The following PANX2 variants were observed in gnomAD, a reference collection of about 807,000 sequenced individuals.
PANX2 encodes pannexin 2, also known as pannexin-2.
In PANX2, 30 loss-of-function variants were observed where a neutral mutation model predicts 38.7. That is an observed-to-expected ratio of 0.78 (90% CI 0.58 to 1.05). PANX2 has a LOEUF of 1.05. Among genes scored for constraint, PANX2 ranks in the 50% least tolerant of loss-of-function variants. The probability of loss-of-function intolerance (pLI) is 0.00; values close to 1 mark genes in which losing one functional copy is unlikely to be tolerated. For synonymous variants in PANX2, 539 were observed against 472.1 expected (o/e 1.14, Z -1.84); for missense variants, 880 against 979.3 (o/e 0.90, Z 1.35).
In PANX2 at chr22:50,178,331, G is replaced by A. The variant is rs932591980; in HGVS notation, c.1619G>A (p.Arg540Gln). The change falls in exon 2 of 3, where the codon CGG becomes CAG. Residue 540 changes from arginine to glutamine, a missense_variant. Arg to Gln is a conservative substitution (Grantham distance 43). Around this residue, in one of 4 missense-constraint regions of PANX2, gnomAD observed 445 missense variants for 404.3 expected, o/e 1.10. Coordinates refer to ENST00000395842, the MANE Select transcript of PANX2 (RefSeq NM_052839.4). Reference protein sequence around the residue: ...EAVPAALPASRSQEGGFLSQA... With the variant: ...EAVPAALPASQSQEGGFLSQA... ...GTGCCCGCCGCCCTGCCCGCCTCCC[G>A]GAGCCAGGAGGGGGGCTTCCTGTCC... 6.3e-5 allele frequency: 94 copies of A among 1,501,262 alleles called. No homozygotes were observed. Among genetic ancestry groups the A allele is most frequent in the Non-Finnish European group, 7.9e-5 (89 of 1,132,786 alleles). 93.0% of individuals were successfully genotyped at this position (1,501,262 alleles called of 1,614,324 possible).
At chr22:50,172,556 T>G (rs1386361042) in intron 1 of PANX2, among the ~76,000 whole-genome samples, 1 of 150,928 alleles carries the variant, frequency 6.6e-6, no homozygotes, top group Non-Finnish European at 1.5e-5. Flanking sequence ...GAGCCCCCAG[T>G]AGCAGGGACC....
intron 2 of PANX2, 78 bp from the exon 3 acceptor site, chr22:50,178,856 C>G (rs1391736931): frequency 3.1e-5 from 40 of 1,310,668 alleles, no homozygotes; most frequent in Non-Finnish European, 3.7e-5. Flanking sequence ...TGCTCCCCCG[C>G]CAGCCTGCAC....
Position 50,179,714 on chromosome 22 carries a change from G to A in PANX2, c.*437G>A. ...GGAAGGTGGGGCCAGTCCCACCAGT[G>A]GGGTGGCCACGCCCATGGGGTCACA... On this transcript the variant is annotated 3_prime_UTR_variant, in exon 3 of 3. Coordinates refer to ENST00000395842, the MANE Select transcript of PANX2 (RefSeq NM_052839.4). The A allele has an allele frequency of 5.5e-6, 1 of 181,392 alleles. No individual in the cohort carries two copies. Among genetic ancestry groups the A allele is most frequent in the South Asian group, 1.1e-4 (1 of 9,332 alleles). The allele number at this position is 181,392 out of a possible 1,614,324, so 11.2% of individuals were successfully genotyped here.
At chr22:50,174,059 C>T (rs557984334) in intron 1 of PANX2, among the ~76,000 whole-genome samples, 10 of 152,258 alleles carry the variant, frequency 6.6e-5, no homozygotes, top group Admixed American at 5.2e-4. Flanking sequence ...CCAGGGGAGT[C>T]GGGGAAGGGC....
At chr22:50,174,535 C>T (rs2063652042) in intron 1 of PANX2, among the ~76,000 whole-genome samples, 1 of 152,188 alleles carries the variant, frequency 6.6e-6, no homozygotes, top group South Asian at 2.1e-4. Flanking sequence ...GGCTCCTTGG[C>T]TGGGAAGCCA....
intron 1 of PANX2, among the ~76,000 whole-genome samples, chr22:50,175,226 A>G (rs977677281): frequency 2.0e-5 from 3 of 152,094 alleles, no homozygotes; most frequent in African/African-American, 7.2e-5. Flanking sequence ...CCCTGCTTTC[A>G]TCCACCTTGG....
In PANX2 at chr22:50,179,165, GC is replaced by G. The variant is rs748018945; in HGVS notation, c.1927del (p.Arg643AlafsTer30). ...LYEAREEEDG[G>X]PRLPQDVGDL... The stretch of plus-strand genomic sequence containing the variant: ...GAGGCCCGGGAGGAGGAGGACGGGG[GC>G]CCCCGCCTGCCGCAGGACGTGGGGG... On this transcript the variant is annotated frameshift_variant, in exon 3 of 3. Coordinates refer to ENST00000395842, the MANE Select transcript of PANX2 (RefSeq NM_052839.4). LOFTEE classifies it high-confidence loss of function. 8.1e-6 allele frequency: 13 copies of G among 1,604,372 alleles called. 3 individuals are homozygous for G. The Admixed American group carries it at 2.0e-4, about 25-fold the overall frequency.
At position 50,177,226 on chromosome 22, in the gene PANX2, CG is replaced by C. The variant is rs1569067890; in HGVS notation, c.515del (p.Arg172ProfsTer62). 1 of 1,611,208 alleles carries C rather than the reference CG, an allele frequency of 6.2e-7. No individual in the cohort carries two copies. The highest frequency in any genetic ancestry group is 2.2e-5 in the East Asian group (1 of 44,806). ...CTGTTACCACCGGGCGGCCGAGGGC[CG>C]CGCGCCCAAGATCGAGAAGCAGATC... ...DNCYHRAAEG[R>X]APKIEKQIQS... On this transcript the variant is annotated frameshift_variant, in exon 2 of 3. Coordinates refer to ENST00000395842, the MANE Select transcript of PANX2 (RefSeq NM_052839.4). LOFTEE classifies it high-confidence loss of function.
chr22:50,176,860 G>A lies in PANX2; in HGVS notation c.227-79G>A, dbSNP rs149618200. The A allele has an allele frequency of 1.4e-3, 1,946 of 1,393,508 alleles. 33 individuals carry two copies. In the African/African-American group the frequency reaches 0.024, roughly 17 times the overall value. 86.3% of individuals were successfully genotyped at this position (1,393,508 alleles called of 1,614,324 possible). On this transcript the variant is annotated intron_variant, in intron 1 of 2. Coordinates refer to ENST00000395842, the MANE Select transcript of PANX2 (RefSeq NM_052839.4). ...CTCCTGGGAGGGGTTCGGCAGGGAC[G>A]CGGTCAGGTCCAGCCCGGTTTCTTC...
intron 1 of PANX2, among the ~76,000 whole-genome samples, chr22:50,176,313 C>T (rs1381293766): frequency 3.3e-5 from 5 of 152,228 alleles, no homozygotes; most frequent in Admixed American, 6.5e-5. Flanking sequence ...CGGCAGATAC[C>T]GCAGTCCAGC....
chr22:50,176,082 G>C (rs187400339), intron 1 of PANX2, among the ~76,000 whole-genome samples: 1 of 152,294 alleles, frequency 6.6e-6, no homozygotes, highest in South Asian at 2.1e-4. Context: ...GAGACTGCAC[G>C]GTGGCTGGAG....
At position 50,178,392 on chromosome 22, in the gene PANX2, G is replaced by T; in HGVS notation, c.1680G>T (p.Ala560=). 7.0e-7 allele frequency: 1 copy of T among 1,422,348 alleles called. No homozygotes were observed. The allele number at this position is 1,422,348 out of a possible 1,614,324, so 88.1% of individuals were successfully genotyped here. Residue 560 remains alanine, a synonymous_variant, in exon 2 of 3, where the codon GCG becomes GCT. Transcript: ENST00000395842. ...AEDCGLGLAP[A]PIKDAPLPEK... is the part of the protein sequence containing the mutation. ...ACTGTGGGCTAGGCCTGGCCCCGGC[G>T]CCCATCAAAGGTAGGGGCAGGGCCG...
intron 1 of PANX2, among the ~76,000 whole-genome samples, chr22:50,171,412 G>A (rs979059647): frequency 1.3e-5 from 2 of 152,212 alleles, no homozygotes; most frequent in African/African-American, 2.4e-5. Flanking sequence ...TGGAAGGAGG[G>A]CAGAGAGAGT....
In PANX2 at chr22:50,170,769, C is replaced by G. The variant is rs1375867827; in HGVS notation, c.39C>G (p.Thr13=). 1.3e-5 allele frequency: 18 copies of G among 1,366,052 alleles called. No homozygotes were observed. Among genetic ancestry groups the G allele is most frequent in the Non-Finnish European group, 1.4e-5 (15 of 1,048,670 alleles). 84.6% of individuals were successfully genotyped at this position (1,366,052 alleles called of 1,614,324 possible). The part of the protein sequence containing the change: ...HLLEQSADMA[T]ALLAGEKLRE... ...TGGAGCAGTCGGCGGACATGGCGAC[C>G]GCGCTGCTGGCGGGAGAGAAGCTGC... Residue 13 remains threonine, a synonymous_variant, in exon 1 of 3, where the codon ACC becomes ACG. Coordinates refer to ENST00000395842, the MANE Select transcript of PANX2 (RefSeq NM_052839.4).
chr22:50,171,596 G>C (rs1305697209), intron 1 of PANX2, among the ~76,000 whole-genome samples: 1 of 152,136 alleles, frequency 6.6e-6, no homozygotes, highest in African/African-American at 2.4e-5. Flanking sequence ...AGGGACCCGC[G>C]CTGGTTAGAT....
At chr22:50,178,619 G>A (rs909785241) in intron 2 of PANX2, among the ~76,000 whole-genome samples, 5 of 152,228 alleles carry the variant, frequency 3.3e-5, no homozygotes, top group Non-Finnish European at 7.4e-5. Context: ...GGGCCCTGGA[G>A]ACCCCCCCGG....
chr22:50,177,600 G>A lies in PANX2; in HGVS notation c.888G>A (p.Val296=). 6.2e-7 allele frequency: 1 copy of A among 1,612,836 alleles called. No individual in the cohort carries two copies. Among genetic ancestry groups the A allele is most frequent in the Non-Finnish European group, 8.5e-7 (1 of 1,179,984 alleles). ...LQRIIAGVDI[V]LLCVMNLIIL... ...GCATCATCGCGGGCGTGGACATCGT[G>A]CTGCTGTGCGTCATGAACCTCATCA... Residue 296 remains valine, a synonymous_variant, in exon 2 of 3, where the codon GTG becomes GTA. Transcript: ENST00000395842.
chr22:50,171,109 C>T (rs1388943712), intron 1 of PANX2, among the ~76,000 whole-genome samples, 153 bp downstream of exon 1: 1 of 152,222 alleles, frequency 6.6e-6, no homozygotes, highest in Non-Finnish European at 1.5e-5. Context: ...TCCACAGCCG[C>T]CCCCATCCTA....
In PANX2 at chr22:50,177,604, C is replaced by T. The variant is rs2063670034; in HGVS notation, c.892C>T (p.Leu298=). 6.2e-7 allele frequency: 1 copy of T among 1,612,928 alleles called. No individual in the cohort carries two copies. Among genetic ancestry groups the T allele is most frequent in the East Asian group, 2.2e-5 (1 of 44,884 alleles). ...CATCGCGGGCGTGGACATCGTGCTG[C>T]TGTGCGTCATGAACCTCATCATCCT... ...RIIAGVDIVL[L]CVMNLIILVN... Residue 298 remains leucine (L), a synonymous_variant, in exon 2 of 3, where the codon CTG becomes TTG. Transcript: ENST00000395842.
Sources: allele counts gnomAD v4.1 joint callset (sites outside exome capture counted in the v4.1 genomes callset), GRCh38; gene constraint gnomAD v4.1.1; regional missense constraint gnomAD v4.1.1; transcripts MANE v1.5; gene names NCBI Gene and HGNC (gene_info 2026-07-23, HGNC 2026-07-21).